The following ROBO4 variants were observed in gnomAD, a reference collection of about 807,000 sequenced individuals.
ROBO4 encodes roundabout homolog 4.
In ROBO4, 80 loss-of-function variants were observed where a neutral mutation model predicts 103.3. That is an observed-to-expected ratio of 0.77 (90% CI 0.65 to 0.93). ROBO4 has a LOEUF of 0.93. ROBO4 is among the 40% of genes least tolerant of loss of function. The pLI is 0.00. For missense variants in ROBO4, 1,333 were observed against 1,305.3 expected (o/e 1.02, Z -0.33); for synonymous variants, 504 against 529.7 (o/e 0.95, Z 0.67).
intron 12 of ROBO4, among the ~76,000 whole-genome samples, chr11:124,889,762 C>A (rs1307197504): frequency 3.3e-5 from 5 of 151,986 alleles, no homozygotes; most frequent in African/African-American, 7.3e-5. Context: ...ACTGGGAGAG[C>A]CTGCCAGTTT....
chr11:124,887,866 G>A (rs117896640), intron 12 of ROBO4, 26 bp from the exon 13 acceptor site: 143,062 of 1,598,068 alleles, frequency 0.09, 7,010 homozygotes, highest in South Asian at 0.13. Flanking sequence ...TGGTGGTTGT[G>A]GGGCCCAGGA....
chr11:124,891,189 G>A, intron 12 of ROBO4, 110 bp downstream of exon 12: 1 of 1,299,490 alleles, frequency 7.7e-7, no homozygotes, highest in Non-Finnish European at 1.0e-6. Context: ...TGGAAGGAGG[G>A]TGTGGAGGTT....
rs1380139659 is a variant in ROBO4 at position 124,885,043 on chromosome 11, C to G, written c.2999G>C (p.Gly1000Ala). Residue 1000 changes from glycine (G) to alanine (A), a missense_variant and splice_region_variant, in exon 17 of 18, where the codon GGT becomes GCT. By Grantham distance (60) the Gly-to-Ala change is moderately conservative (BLOSUM62 0). Coordinates refer to ENST00000306534, the MANE Select transcript of ROBO4 (RefSeq NM_019055.6). ...TAGCCAGGAAGACAGACACTCACCA[C>G]CAGCCTTGGGCATACGACAGTGGAG... Reference protein sequence around the residue: ...SQLHCRMPKAGASPVDYS With the variant: ...SQLHCRMPKAAASPVDYS 2 of 1,614,136 alleles carry G rather than the reference C, an allele frequency of 1.2e-6. No individual in the cohort carries two copies. Among genetic ancestry groups the G allele is most frequent in the African/African-American group, 1.3e-5 (1 of 75,064 alleles).
chr11:124,897,243 G>A lies in ROBO4; in HGVS notation c.89C>T (p.Ser30Phe). 6.9e-7 allele frequency: 1 copy of A among 1,453,152 alleles called. No homozygotes were observed. The highest frequency in any genetic ancestry group is 9.1e-7 in the Non-Finnish European group (1 of 1,103,416). The allele number at this position is 1,453,152 out of a possible 1,614,324, so 90.0% of individuals were successfully genotyped here. ...GGGGTGGACTAGGATCTGGGGCGGG[G>A]AGTCCTGAGCCATGCCTCCTGGGAG... ...LLIMGGMAQD[S>F]PPQILVHPQD... Residue 30 changes from serine to phenylalanine, a missense_variant, in exon 2 of 18, where the codon TCC (serine) becomes TTC (phenylalanine). Transcript: ENST00000306534.
At position 124,896,240 on chromosome 11, in the gene ROBO4, C is replaced by A. The variant is rs146812473; in HGVS notation, c.637G>T (p.Ala213Ser). ...GTYMCVATNSAGHRESRAARV... is the reference protein window; with the variant it reads ...GTYMCVATNSSGHRESRAARV... The stretch of plus-strand genomic sequence containing the variant: ...GCTGCGCGGCTCTCCCTATGTCCTG[C>A]GCTGTTGGTGGCCACACACATGTAG... The change falls in exon 4 of 18, where the codon GCA (alanine) becomes TCA (serine). Residue 213 changes from alanine (A) to serine (S), a missense_variant. Ala to Ser is a moderately conservative substitution (Grantham distance 99). Transcript: ENST00000306534. 4 of 1,614,146 alleles carry A rather than the reference C, an allele frequency of 2.5e-6. No individual in the cohort carries two copies. The South Asian group carries it at 3.3e-5, about 13-fold the overall frequency.
rs976750539 is a variant in ROBO4, at chr11:124,885,356, A to G, written c.2795-109T>C. 10 of 850,014 alleles carry G rather than the reference A, an allele frequency of 1.2e-5. No homozygotes were observed. In the East Asian group the frequency reaches 2.4e-4, roughly 20 times the overall value. 52.7% of individuals were successfully genotyped at this position (850,014 alleles called of 1,614,324 possible). A position where few individuals can be genotyped will look rare whatever the true frequency, so the allele number is the denominator to read the frequency against. ...TCAGGGCATGTACCCAGCCCTAAAC[A>G]TAACCTAACCCCAACTCAGCCCATC... is the stretch of plus-strand genomic sequence containing the variant. On this transcript the variant is annotated intron_variant, in intron 16 of 17. Transcript: ENST00000306534.
intron 9 of ROBO4, 35 bp from the exon 10 acceptor site, chr11:124,893,765 G>A (rs747731712): frequency 2.1e-5 from 34 of 1,612,062 alleles, no homozygotes; most frequent in Non-Finnish European, 2.9e-5. Context: ...AAATCCAGAG[G>A]CTGGATCACC....
rs1048853042 is a variant in ROBO4, at chr11:124,896,925, G to T, written c.400+7C>A. 7 of 1,608,776 alleles carry T rather than the reference G, an allele frequency of 4.4e-6. No homozygotes were observed. The highest frequency in any genetic ancestry group is 1.9e-4 in the Middle Eastern group (1 of 5,252). On this transcript the variant is annotated splice_region_variant and intron_variant, in intron 2 of 17. Transcript: ENST00000306534. ...CCCCACCCTGAAGCTCCCCTCCCAG[G>T]CCTCACCAGCCACAGACAGCCGAGC... is the stretch of plus-strand genomic sequence containing the variant.
chr11:124,895,702 A>G lies in ROBO4; in HGVS notation c.808-17T>C. On this transcript the variant is annotated splice_polypyrimidine_tract_variant and intron_variant, in intron 5 of 17. Coordinates refer to ENST00000306534, the MANE Select transcript of ROBO4 (RefSeq NM_019055.6). The stretch of plus-strand genomic sequence containing the variant: ...GCCACTGACCTGGGAAGGAGTTTCG[A>G]GGAAGGGCGGGGGGTCAGAGAGCTC... 1 of 1,611,446 alleles carries G rather than the reference A, an allele frequency of 6.2e-7. No individual in the cohort carries two copies. The highest frequency in any genetic ancestry group is 8.5e-7 in the Non-Finnish European group (1 of 1,177,878).
Position 124,896,580 on chromosome 11 carries a change from T to C in ROBO4, c.491A>G (p.His164Arg). The C allele has an allele frequency of 6.2e-7, 1 of 1,614,024 alleles. No homozygotes were observed. The change falls in exon 3 of 18, where the codon CAC becomes CGC. Residue 164 changes from histidine (H) to arginine (R), a missense_variant. Coordinates refer to ENST00000306534, the MANE Select transcript of ROBO4 (RefSeq NM_019055.6). ...CCACCATGAGACTGTGGGCTCTGGG[T>C]GGCCCCAGGGCGGCCCACATTCCAG... ...FTLECGPPWG[H>R]PEPTVSWWKD...
At position 124,894,389 on chromosome 11, in the gene ROBO4, G is replaced by A; in HGVS notation, c.1150-20C>T. On this transcript the variant is annotated intron_variant, in intron 7 of 17. Transcript: ENST00000306534. ...CCAGACCTGAGGCACAAGCAGAGGT[G>A]AACAGCTTCCCCAGGCACCATCCCA... 6.2e-7 allele frequency: 1 copy of A among 1,601,512 alleles called. No homozygotes were observed. Among genetic ancestry groups the A allele is most frequent in the Non-Finnish European group, 8.5e-7 (1 of 1,174,136 alleles).
rs562922448 is a variant in ROBO4, at chr11:124,893,842, T to TC, written c.1504+17dup. ...CTGAGGAGGCCTGTATACATGTGGG[T>TC]CCCCCTCAGACTCTCACCTGGGCCC... On this transcript the variant is annotated intron_variant, in intron 9 of 17. Transcript: ENST00000306534. 2.6e-3 allele frequency: 4,165 copies of TC among 1,612,604 alleles called. 78 individuals are homozygous for TC. The highest frequency in any genetic ancestry group is 8.7e-4 in the Non-Finnish European group (1,029 of 1,179,464).
chr11:124,897,823 C>T lies in ROBO4; in HGVS notation c.-28G>A, dbSNP rs751956636. 1.3e-6 allele frequency: 2 copies of T among 1,584,270 alleles called. No homozygotes were observed. The highest frequency in any genetic ancestry group is 2.2e-5 in the South Asian group (2 of 89,228). On this transcript the variant is annotated 5_prime_UTR_variant, in exon 1 of 18. Coordinates refer to ENST00000306534, the MANE Select transcript of ROBO4 (RefSeq NM_019055.6). Reference sequence around the variant, plus strand: ...CTACTCTCAGCCCTATGTCCTTGTCCCGAGCACTTTGTCCTGCTGCTCTGA... The same window carrying T: ...CTACTCTCAGCCCTATGTCCTTGTCTCGAGCACTTTGTCCTGCTGCTCTGA...
At position 124,894,342 on chromosome 11, in the gene ROBO4, G is replaced by A; in HGVS notation, c.1177C>T (p.Pro393Ser). The change falls in exon 8 of 18, where the codon CCA becomes TCA. Residue 393 changes from proline (P) to serine (S), a missense_variant. Physicochemically the swap from Pro to Ser is moderately conservative, Grantham distance 74. Transcript: ENST00000306534. ...QVWSLGNTSL[P>S]PANWTVVGEQ... ...CCAACTACAGTCCAGTTGGCTGGTG[G>A]CAGTGATGTGTTGCCCAGGCTCCAG... 6.2e-7 allele frequency: 1 copy of A among 1,613,590 alleles called. No homozygotes were observed. Among genetic ancestry groups the A allele is most frequent in the Non-Finnish European group, 8.5e-7 (1 of 1,179,914 alleles).
Position 124,886,689 on chromosome 11 carries a change from G to GGC in ROBO4, c.2568_2569insGC (p.Leu857AlafsTer18). 1 of 1,611,682 alleles carries GGC rather than the reference G, an allele frequency of 6.2e-7. No homozygotes were observed. The highest frequency in any genetic ancestry group is 8.5e-7 in the Non-Finnish European group (1 of 1,178,084). ...GTGAGGCAGGGCCGAGGTGGGCACA[G>GGC]CAAGACTCCCCCCTTGGGCCCCACC... On this transcript the variant is annotated frameshift_variant, in exon 16 of 18. Coordinates refer to ENST00000306534, the MANE Select transcript of ROBO4 (RefSeq NM_019055.6). LOFTEE classifies it high-confidence loss of function.
Position 124,892,497 on chromosome 11 carries a change from G to A in ROBO4, c.1548-695C>T, listed in dbSNP as rs75480439. The A allele has an allele frequency of 2.7e-3, 443 of 161,616 alleles. 1 individual carries two copies. Among genetic ancestry groups the A allele is most frequent in the Middle Eastern group, 0.019 (6 of 312 alleles). 10.0% of individuals were successfully genotyped at this position (161,616 alleles called of 1,614,324 possible). A position where few individuals can be genotyped will look rare whatever the true frequency, so the allele number is the denominator to read the frequency against. ...CTGACCCATCTCACACCCTATACCC[G>A]AGCCAGAACAAATGGTTTGTCTTTC... On this transcript the variant is annotated intron_variant, in intron 10 of 17. Coordinates refer to ENST00000306534, the MANE Select transcript of ROBO4 (RefSeq NM_019055.6).
Position 124,893,742 on chromosome 11 carries a change from C to G in ROBO4, c.1505-12G>C, listed in dbSNP as rs1565325967. 12 of 1,613,426 alleles carry G rather than the reference C, an allele frequency of 7.4e-6. No individual in the cohort carries two copies. Among genetic ancestry groups the G allele is most frequent in the Non-Finnish European group, 1.0e-5 (12 of 1,179,942 alleles). Reference sequence around the variant, plus strand: ...ATATCTGTACAGACCTGGGAGAAGGCAGGAGGAAAGCTAAATCCAGAGGCT... The same window carrying G: ...ATATCTGTACAGACCTGGGAGAAGGGAGGAGGAAAGCTAAATCCAGAGGCT... On this transcript the variant is annotated splice_polypyrimidine_tract_variant and intron_variant, in intron 9 of 17. Coordinates refer to ENST00000306534, the MANE Select transcript of ROBO4 (RefSeq NM_019055.6).
intron 10 of ROBO4, among the ~76,000 whole-genome samples, chr11:124,893,386 G>A (rs1351733059): frequency 6.6e-6 from 1 of 152,222 alleles, no homozygotes; most frequent in Non-Finnish European, 1.5e-5. Flanking sequence ...GACATTTGAG[G>A]TGGTCGTCTC....
At chr11:124,893,414 C>T (rs56247780) in intron 10 of ROBO4, among the ~76,000 whole-genome samples, 15,354 of 152,192 alleles carry the variant, frequency 0.1, 2,384 homozygotes, top group African/African-American at 0.34. Context: ...TTATTCTCCA[C>T]CTAGCGGGTG....
Sources: gnomAD v4.1 joint callset for allele counts (sites outside exome capture counted in the v4.1 genomes callset) on GRCh38, gnomAD v4.1.1 for gene constraint, MANE v1.5 for transcripts, NCBI Gene and HGNC (gene_info 2026-07-23, HGNC 2026-07-21) for gene names.